The following LGALS12 variants were observed in gnomAD, a reference collection of about 807,000 sequenced individuals.
LGALS12 encodes galectin 12, also known as galectin-12.
Under a neutral mutation model 36.8 loss-of-function variants are expected in LGALS12, and 36 were observed. That is an observed-to-expected ratio of 0.98 (90% CI 0.75 to 1.29). The LOEUF is 1.29. Among genes scored for constraint, LGALS12 ranks in the 50% most tolerant of loss-of-function variants. The probability of loss-of-function intolerance (pLI) is 0.00; values close to 1 mark genes in which losing one functional copy is unlikely to be tolerated. For missense variants in LGALS12, 366 were observed against 394.3 expected (o/e 0.93, Z 0.61); for synonymous variants, 145 against 155.9 (o/e 0.93, Z 0.52).
rs558272577 is a variant in LGALS12 at position 63,516,227 on chromosome 11, C to G, written c.799-20C>G. On this transcript the variant is annotated intron_variant, in intron 8 of 8. Transcript: ENST00000394618. Reference sequence around the variant, plus strand: ...AAGTCTGGCTGGAAGCTGCAACCCCCTCATGTCCTCCTTTCCCAGGTGCTG... The same window carrying G: ...AAGTCTGGCTGGAAGCTGCAACCCCGTCATGTCCTCCTTTCCCAGGTGCTG... The G allele has an allele frequency of 4.5e-6, 7 of 1,543,832 alleles. No individual in the cohort carries two copies. In the East Asian group the frequency reaches 1.4e-4, roughly 30 times the overall value.
chr11:63,516,488 C>G lies in LGALS12; in HGVS notation c.*95C>G. Reference sequence around the variant, plus strand: ...CCTCATTAAACCATCCACCTGACACCAGCACATCAGGCCTGGTTCACCTCT... The same window carrying G: ...CCTCATTAAACCATCCACCTGACACGAGCACATCAGGCCTGGTTCACCTCT... On this transcript the variant is annotated 3_prime_UTR_variant, in exon 9 of 9. Transcript: ENST00000394618. The G allele has an allele frequency of 2.1e-6, 3 of 1,408,150 alleles. No homozygotes were observed. Among genetic ancestry groups the G allele is most frequent in the Non-Finnish European group, 3.0e-6 (3 of 1,010,318 alleles). The allele number at this position is 1,408,150 out of a possible 1,614,324, so 87.2% of individuals were successfully genotyped here.
At chr11:63,513,490 C>G (rs77007180) in intron 7 of LGALS12, among the ~76,000 whole-genome samples, 1 of 152,116 alleles carries the variant, frequency 6.6e-6, no homozygotes, top group South Asian at 2.1e-4. Flanking sequence ...AAAATAGAAG[C>G]CATCTTTTAT....
chr11:63,506,571 C>A (rs1334975138), intron 1 of LGALS12, 44 bp downstream of exon 1: 1 of 1,612,880 alleles, frequency 6.2e-7, no homozygotes, highest in Non-Finnish European at 8.5e-7. Flanking sequence ...TCTCTGGGCT[C>A]TTCCCTTCCA....
chr11:63,515,837 A>C (rs2017065501), intron 8 of LGALS12, 124 bp downstream of exon 8: 1 of 958,514 alleles, frequency 1.0e-6, no homozygotes, highest in South Asian at 1.6e-5. Context: ...GGCCAGAGCC[A>C]GCAGAGCACA....
chr11:63,509,918 G>C, intron 4 of LGALS12, 21 bp downstream of exon 4: 1 of 1,611,302 alleles, frequency 6.2e-7, no homozygotes, highest in Non-Finnish European at 8.5e-7. Context: ...TTGGGACCAA[G>C]GCCTGGGCAG....
At chr11:63,515,832 G>C in intron 8 of LGALS12, 119 bp downstream of exon 8, 1 of 1,008,414 alleles carries the variant, frequency 9.9e-7, no homozygotes, top group South Asian at 1.6e-5. Context: ...TGGGAGGCCA[G>C]AGCCAGCAGA....
rs2017059131 is a variant in LGALS12 at position 63,515,681 on chromosome 11, C to G, written c.766C>G (p.Pro256Ala). 1 of 1,614,068 alleles carries G rather than the reference C, an allele frequency of 6.2e-7. No individual in the cohort carries two copies. The highest frequency in any genetic ancestry group is 8.5e-7 in the Non-Finnish European group (1 of 1,180,034). ...GGGGCAGAAGAAACTGATCTCAGCC[C>G]CCTTCCTCTTTTACCCCCAGAGATT... ...RWGQKKLISA[P>A]FLFYPQRFFE... Residue 256 changes from proline (P) to alanine (A), a missense_variant, in exon 8 of 9, where the codon CCC (proline) becomes GCC (alanine). Pro to Ala is a conservative substitution (Grantham distance 27). Transcript: ENST00000394618.
At chr11:63,513,696 A>T (rs1459414245) in intron 7 of LGALS12, among the ~76,000 whole-genome samples, 1 of 152,182 alleles carries the variant, frequency 6.6e-6, no homozygotes, top group African/African-American at 2.4e-5. Context: ...TGGGGCAGAG[A>T]GAGTAAGAGA....
At chr11:63,508,135 T>C in intron 1 of LGALS12, 1 of 1,050,738 alleles carries the variant, frequency 9.5e-7, no homozygotes, top group Non-Finnish European at 1.2e-6. Flanking sequence ...GTTCCTAACT[T>C]GTCCATTCTT....
At chr11:63,508,348 T>C (rs1017682027) in intron 1 of LGALS12, 5 of 1,423,884 alleles carry the variant, frequency 3.5e-6, no homozygotes, top group East Asian at 2.6e-5. Flanking sequence ...TCTGGTGTAA[T>C]GCAGCTTTGC....
intron 3 of LGALS12, 64 bp downstream of exon 3, chr11:63,509,055 G>A (rs2016837652): frequency 2.4e-6 from 3 of 1,268,396 alleles, no homozygotes; most frequent in Non-Finnish European, 2.3e-6. Context: ...CCTTCCCTCA[G>A]CCAGACTCCC....
In LGALS12 at chr11:63,506,201, T is replaced by G. The variant is rs2016738754; in HGVS notation, c.-258T>G. The G allele has an allele frequency of 1.7e-6, 1 of 604,638 alleles. No homozygotes were observed. Among genetic ancestry groups the G allele is most frequent in the South Asian group, 2.0e-5 (1 of 49,114 alleles). The allele number at this position is 604,638 out of a possible 1,614,324, so 37.5% of individuals were successfully genotyped here. ...ATGCCAGTCTTCCTCCCCTGGACAC[T>G]GAGTTCTGCTGACAGCCCCCGCCCA... On this transcript the variant is annotated 5_prime_UTR_variant, in exon 1 of 9. Coordinates refer to ENST00000394618, the MANE Select transcript of LGALS12 (RefSeq NM_033101.4).
At chr11:63,511,663 G>A (rs2016925170) in intron 6 of LGALS12, 89 bp from the exon 7 acceptor site, 3 of 876,464 alleles carry the variant, frequency 3.4e-6, no homozygotes, top group East Asian at 2.4e-5. Flanking sequence ...GAACATGCCT[G>A]CCCCAGTGCT....
chr11:63,507,234 A>G (rs1288999244), intron 1 of LGALS12, among the ~76,000 whole-genome samples: 1 of 152,112 alleles, frequency 6.6e-6, no homozygotes, highest in Non-Finnish European at 1.5e-5. Flanking sequence ...GCAGCTGCCC[A>G]GGTTACGGCA....
intron 8 of LGALS12, among the ~76,000 whole-genome samples, chr11:63,515,999 C>T (rs1306012160): frequency 2.6e-5 from 4 of 152,316 alleles, no homozygotes; most frequent in South Asian, 4.1e-4. Flanking sequence ...CACTCCTCTA[C>T]AGGAAGCAGC....
Position 63,516,302 on chromosome 11 carries a change from T to TG in LGALS12, c.859dup (p.Ala287GlyfsTer122). 1 of 1,611,766 alleles carries TG rather than the reference T, an allele frequency of 6.2e-7. No individual in the cohort carries two copies. Among genetic ancestry groups the TG allele is most frequent in the Non-Finnish European group, 8.5e-7 (1 of 1,178,944 alleles). Reference sequence around the variant, plus strand: ...AAGCTGGCGCTCAATGGGCAGGGGCTGGGGGCCACCAGCATGAACCAGCAG... The same window carrying TG: ...AAGCTGGCGCTCAATGGGCAGGGGCTGGGGGGCCACCAGCATGAACCAGCAG... On this transcript the variant is annotated frameshift_variant, in exon 9 of 9. Coordinates refer to ENST00000394618, the MANE Select transcript of LGALS12 (RefSeq NM_033101.4). LOFTEE classifies it high-confidence loss of function.
chr11:63,507,132 T>C (rs2016764060), intron 1 of LGALS12, among the ~76,000 whole-genome samples: 1 of 152,094 alleles, frequency 6.6e-6, no homozygotes. Context: ...GAATGGGAAG[T>C]GATCAACTGC....
Position 63,516,339 on chromosome 11 carries a change from G to A in LGALS12, c.891G>A (p.Gln297=). 3 of 1,613,808 alleles carry A rather than the reference G, an allele frequency of 1.9e-6. No homozygotes were observed. The highest frequency in any genetic ancestry group is 2.5e-6 in the Non-Finnish European group (3 of 1,179,904). The change falls in exon 9 of 9, where the codon CAG becomes CAA. Residue 297 remains glutamine (Q), a synonymous_variant. Coordinates refer to ENST00000394618, the MANE Select transcript of LGALS12 (RefSeq NM_033101.4). ...ATSMNQQALE[Q]LRELRISGSV... Reference sequence around the variant, plus strand: ...GCATGAACCAGCAGGCCCTGGAGCAGCTGCGGGAGCTCCGGATCAGTGGAA... The same window carrying A: ...GCATGAACCAGCAGGCCCTGGAGCAACTGCGGGAGCTCCGGATCAGTGGAA...
In LGALS12 at chr11:63,515,666, A is replaced by G. The variant is rs1304990773; in HGVS notation, c.751A>G (p.Lys251Glu). The G allele has an allele frequency of 6.2e-7, 1 of 1,614,224 alleles. No homozygotes were observed. The highest frequency in any genetic ancestry group is 1.7e-5 in the Admixed American group (1 of 60,020). ...CTGGATCTCCCGCTGGGGGCAGAAG[A>G]AACTGATCTCAGCCCCCTTCCTCTT... ...LAWISRWGQK[K>E]LISAPFLFYP... is the part of the protein sequence containing the mutation. The change falls in exon 8 of 9, where the codon AAA becomes GAA. Residue 251 changes from lysine (K) to glutamate (E), a missense_variant. Physicochemically the swap from Lys to Glu is moderately conservative, Grantham distance 56. Transcript: ENST00000394618.
Sources: gnomAD v4.1 joint callset for allele counts (sites outside exome capture counted in the v4.1 genomes callset) on GRCh38, gnomAD v4.1.1 for gene constraint, MANE v1.5 for transcripts, NCBI Gene and HGNC (gene_info 2026-07-23, HGNC 2026-07-21) for gene names.